Variants in RAB38 observed in about 807,000 individuals in gnomAD.
The protein encoded by RAB38 is RAB38, member RAS oncogene family, also known as ras-related protein Rab-38.
In RAB38, 15 loss-of-function variants were observed where a neutral mutation model predicts 18.4. That is an observed-to-expected ratio of 0.82 (90% confidence interval 0.55 to 1.26). The LOEUF is 1.26. RAB38 is among the 50% of genes most tolerant of loss of function. RAB38 has a pLI of 0.00. For synonymous variants in RAB38, 101 were observed against 104.4 expected (o/e 0.97, Z 0.20); for missense variants, 294 against 267.4 (o/e 1.10, Z -0.69).
Position 88,130,141 on chromosome 11 carries a change from G to GA in RAB38, c.484-16002dup, listed in dbSNP as rs560072796. On this transcript the variant is annotated intron_variant, in intron 2 of 2. Transcript: ENST00000243662. ...GAAACAGTCCATAAAATTGAGTGTG[G>GA]AAAAAAAATAAGGACAGGAAGCTCA... Among the ~76,000 whole-genome samples, 17 of 151,838 alleles carry GA rather than the reference G, an allele frequency of 1.1e-4. No homozygotes were observed. The South Asian group carries it at 2.9e-3, about 26-fold the overall frequency.
the RAB38 span, among the ~76,000 whole-genome samples, chr11:88,103,027 G>A: frequency 1.4e-5 from 2 of 140,702 alleles, no homozygotes; most frequent in African/African-American, 2.9e-5. Context: ...AATGCGTGCT[G>A]TAATTTAACC....
chr11:87,813,072 T>G, the RAB38 span, among the ~76,000 whole-genome samples: 8 of 152,162 alleles, frequency 5.3e-5, no homozygotes, highest in Non-Finnish European at 1.0e-4. Context: ...CACTTCACAT[T>G]AGTAGTATAT....
In RAB38 at chr11:88,129,433, G is replaced by A. The variant is rs970969479; in HGVS notation, c.484-15293C>T. Among the ~76,000 whole-genome samples the A allele has an allele frequency of 5.3e-5, 8 of 152,122 alleles. 1 individual carries two copies. Among genetic ancestry groups the A allele is most frequent in the African/African-American group, 1.9e-4 (8 of 41,406 alleles). On this transcript the variant is annotated intron_variant, in intron 2 of 2. Coordinates refer to ENST00000243662, the MANE Select transcript of RAB38 (RefSeq NM_022337.3). Reference sequence around the variant, plus strand: ...AAGTGGGCGGATCACTTGAGGTCAGGAATTCAAGATCAGCCTGGCCAACAT... The same window carrying A: ...AAGTGGGCGGATCACTTGAGGTCAGAAATTCAAGATCAGCCTGGCCAACAT...
rs181146944 is a variant in RAB38, at chr11:88,147,667, C to T, written c.483+2008G>A. Among the ~76,000 whole-genome samples the T allele has an allele frequency of 2.3e-3, 345 of 151,438 alleles. 1 individual carries two copies. The highest frequency in any genetic ancestry group is 7.9e-3 in the African/African-American group (327 of 41,272). On this transcript the variant is annotated intron_variant, in intron 2 of 2. Transcript: ENST00000243662. ...CAGCACTTTGGGAGGCTGAGGAAGG[C>T]GGATCACGAGGTCAGGAGATTGAGA...
the RAB38 span, among the ~76,000 whole-genome samples, chr11:87,852,012 G>A: frequency 6.6e-5 from 10 of 152,134 alleles, no homozygotes; most frequent in Admixed American, 1.3e-4. Flanking sequence ...TAAGTTTGAT[G>A]AAAAAGTGCA....
At chr11:87,975,183 G>A in the RAB38 span, among the ~76,000 whole-genome samples, 2 of 151,766 alleles carry the variant, frequency 1.3e-5, no homozygotes, top group Non-Finnish European at 2.9e-5. Context: ...AGGATTTGGG[G>A]CTCATCTTAA....
the RAB38 span, among the ~76,000 whole-genome samples, chr11:87,931,783 A>G: frequency 2.0e-5 from 3 of 152,138 alleles, no homozygotes; most frequent in African/African-American, 7.2e-5. Flanking sequence ...AAATGCCTCT[A>G]TAATTCTTGC....
the RAB38 span, among the ~76,000 whole-genome samples, chr11:88,064,862 C>G: frequency 1.3e-5 from 2 of 151,976 alleles, no homozygotes; most frequent in African/African-American, 4.8e-5. Flanking sequence ...AAATATTATT[C>G]TTCTTGCTAG....
At chr11:87,957,909 T>C in the RAB38 span, among the ~76,000 whole-genome samples, 1 of 152,154 alleles carries the variant, frequency 6.6e-6, no homozygotes, top group Non-Finnish European at 1.5e-5. Flanking sequence ...TATCGTGTTC[T>C]GATCCCTGAT....
the RAB38 span, among the ~76,000 whole-genome samples, chr11:87,826,444 T>C: frequency 6.6e-6 from 1 of 152,134 alleles, no homozygotes; most frequent in Non-Finnish European, 1.5e-5. Context: ...TAAAAGCATA[T>C]GGTGATTTTA....
At chr11:87,946,879 G>C in the RAB38 span, among the ~76,000 whole-genome samples, 1 of 152,268 alleles carries the variant, frequency 6.6e-6, no homozygotes, top group Admixed American at 6.5e-5. Context: ...ATAGCAGCAT[G>C]ATTTACAATC....
In RAB38 at chr11:88,116,192, T is replaced by C. The variant is rs75553453; in HGVS notation, c.484-2052A>G. ...GGAACGGACCCAGCTCAACACTTTG[T>C]TCCGGAGCCCTGCCACTTGCTATGT... On this transcript the variant is annotated intron_variant, in intron 2 of 2. Transcript: ENST00000243662. 8.1e-3 allele frequency among the ~76,000 whole-genome samples: 1,228 copies of C among 152,316 alleles called. 15 individuals are homozygous for C. The highest frequency in any genetic ancestry group is 0.028 in the African/African-American group (1,177 of 41,576).
intron 1 of RAB38, among the ~76,000 whole-genome samples, chr11:88,173,399 T>C (rs1194513870): frequency 9.9e-5 from 15 of 152,026 alleles, no homozygotes; most frequent in Admixed American, 9.8e-4. Flanking sequence ...AACAAGGAGG[T>C]TAGAGAACTT....
chr11:87,940,672 C>T, the RAB38 span, among the ~76,000 whole-genome samples: 1 of 152,152 alleles, frequency 6.6e-6, no homozygotes, highest in Admixed American at 6.6e-5. Context: ...GAGATGGAGT[C>T]TCACTCTGTT....
At chr11:88,174,825 G>T (rs1047390084) in intron 1 of RAB38, among the ~76,000 whole-genome samples, 1 of 152,200 alleles carries the variant, frequency 6.6e-6, no homozygotes, top group Non-Finnish European at 1.5e-5. Flanking sequence ...AAGGACGTGC[G>T]TGACACTGGG....
chr11:88,048,070 T>G, the RAB38 span, among the ~76,000 whole-genome samples: 2 of 152,132 alleles, frequency 1.3e-5, no homozygotes, highest in Non-Finnish European at 2.9e-5. Flanking sequence ...CATCTGCAAT[T>G]CTACTACTCC....
the RAB38 span, among the ~76,000 whole-genome samples, chr11:88,055,245 T>A: frequency 1.3e-5 from 2 of 152,186 alleles, no homozygotes; most frequent in Non-Finnish European, 2.9e-5. Context: ...GAGATGCCCA[T>A]CTCTTTAAAA....
At chr11:88,114,363 T>C (rs1444837941) in intron 2 of RAB38, among the ~76,000 whole-genome samples, 1 of 152,224 alleles carries the variant, frequency 6.6e-6, no homozygotes, top group African/African-American at 2.4e-5. Flanking sequence ...AGGAATGGTG[T>C]CTGGTAAATG....
intron 1 of RAB38, among the ~76,000 whole-genome samples, chr11:88,171,034 T>C (rs1270405622): frequency 6.6e-6 from 1 of 152,162 alleles, no homozygotes. Context: ...TTTAGGACTA[T>C]CTGCTTGTCT....
Sources: allele counts gnomAD v4.1 joint callset (sites outside exome capture counted in the v4.1 genomes callset), GRCh38; gene constraint gnomAD v4.1.1; transcripts MANE v1.5; gene names NCBI Gene and HGNC (gene_info 2026-07-23, HGNC 2026-07-21).